PRKAG2: variants seen among roughly 807,000 people sequenced by gnomAD.
The protein encoded by PRKAG2 is 5'-AMP-activated protein kinase subunit gamma-2.
Under a neutral mutation model 69.6 loss-of-function variants are expected in PRKAG2, and 26 were observed. The ratio of observed to expected loss-of-function variants is 0.37; its 90% CI spans 0.27 to 0.52. The LOEUF is 0.52. PRKAG2 is among the 20% of genes least tolerant of loss of function. The pLI, the probability that PRKAG2 is intolerant of heterozygous loss-of-function variation, is 0.90. For synonymous variants in PRKAG2, 293 were observed against 285.0 expected (o/e 1.03, Z -0.28); for missense variants, 557 against 740.0 (o/e 0.75, Z 2.87).
At chr7:151,803,404 T>C (rs960817397) in intron 1 of PRKAG2, among the ~76,000 whole-genome samples, 1 of 152,202 alleles carries the variant, frequency 6.6e-6, no homozygotes, top group African/African-American at 2.4e-5. Flanking sequence ...ATTTTCTCCC[T>C]TCAAAGGGAG....
At chr7:151,768,095 T>C (rs1003675751) in intron 3 of PRKAG2, among the ~76,000 whole-genome samples, 3 of 152,176 alleles carry the variant, frequency 2.0e-5, no homozygotes, top group East Asian at 1.9e-4. Context: ...TTAGAAAGCA[T>C]GTTCACTTGG....
chr7:151,659,203 G>C (rs1402327280), intron 4 of PRKAG2, among the ~76,000 whole-genome samples: 1 of 152,098 alleles, frequency 6.6e-6, no homozygotes, highest in Non-Finnish European at 1.5e-5. Flanking sequence ...TATTTAAAAA[G>C]CTGGGTCTTT....
At chr7:151,792,761 G>A (rs141485280) in intron 1 of PRKAG2, among the ~76,000 whole-genome samples, 392 of 152,354 alleles carry the variant, frequency 2.6e-3, no homozygotes, top group African/African-American at 8.6e-3. Context: ...GATTCCAACC[G>A]AGGAAGCAAC....
chr7:151,722,573 G>A (rs942944309), intron 3 of PRKAG2, among the ~76,000 whole-genome samples: 14 of 152,072 alleles, frequency 9.2e-5, no homozygotes, highest in African/African-American at 3.4e-4. Context: ...AGGAATGCTA[G>A]ACTTTAGCAG....
At chr7:151,560,437 G>C in intron 15 of PRKAG2, 87 bp downstream of exon 15, 1 of 1,611,830 alleles carries the variant, frequency 6.2e-7, no homozygotes, top group Non-Finnish European at 8.5e-7. Context: ...GGTGGGTGGA[G>C]AAATGATGGT....
intron 5 of PRKAG2, among the ~76,000 whole-genome samples, chr7:151,618,376 C>T (rs903078203): frequency 4.6e-5 from 7 of 151,566 alleles, no homozygotes; most frequent in South Asian, 2.1e-4. Context: ...TCGCTTGAAC[C>T]GAGGAGGCGG....
At chr7:151,801,192 A>G (rs775036552) in intron 1 of PRKAG2, among the ~76,000 whole-genome samples, 13 of 152,200 alleles carry the variant, frequency 8.5e-5, no homozygotes, top group Admixed American at 2.6e-4. Flanking sequence ...TCCTGTATCC[A>G]CGGCTCCAGG....
intron 1 of PRKAG2, among the ~76,000 whole-genome samples, chr7:151,813,825 C>T (rs781506580): frequency 2.6e-5 from 4 of 152,190 alleles, no homozygotes; most frequent in South Asian, 2.1e-4. Context: ...TTGGGCTCCA[C>T]GCTCCGCAGG....
intron 15 of PRKAG2, chr7:151,559,695 G>A: frequency 1.0e-6 from 1 of 985,368 alleles, no homozygotes. Flanking sequence ...CTGAACTAAA[G>A]AGAAATCAAT....
At chr7:151,739,766 C>T (rs1016283064) in intron 3 of PRKAG2, among the ~76,000 whole-genome samples, 34 of 152,120 alleles carry the variant, frequency 2.2e-4, no homozygotes, top group East Asian at 7.7e-4. Context: ...CCACCACACC[C>T]GGCTGGAATT....
chr7:151,817,036 T>G (rs2078663092), intron 1 of PRKAG2, among the ~76,000 whole-genome samples: 1 of 152,024 alleles, frequency 6.6e-6, no homozygotes, highest in Non-Finnish European at 1.5e-5. Context: ...CATTAGAGAT[T>G]AAGGAACATA....
intron 3 of PRKAG2, among the ~76,000 whole-genome samples, chr7:151,741,909 T>C (rs1236698356): frequency 6.6e-6 from 1 of 152,194 alleles, no homozygotes; most frequent in African/African-American, 2.4e-5. Flanking sequence ...CTAAGAACCA[T>C]ATTTTATTTG....
At chr7:151,564,656 G>T (rs563562003) in intron 13 of PRKAG2, among the ~76,000 whole-genome samples, 2 of 152,298 alleles carry the variant, frequency 1.3e-5, no homozygotes, top group East Asian at 3.9e-4. Context: ...CAAGGTTTCT[G>T]CTGGGAAGGC....
At chr7:151,562,610 C>A (rs1411540506) in intron 14 of PRKAG2, among the ~76,000 whole-genome samples, 1 of 152,158 alleles carries the variant, frequency 6.6e-6, no homozygotes, top group Non-Finnish European at 1.5e-5. Context: ...TAACTATAAT[C>A]ACACATTAAA....
At chr7:151,605,422 C>G (rs1354632332) in intron 5 of PRKAG2, among the ~76,000 whole-genome samples, 1 of 151,674 alleles carries the variant, frequency 6.6e-6, no homozygotes, top group African/African-American at 2.4e-5. Context: ...AATAAAATTT[C>G]TTTAAAAAAT....
intron 4 of PRKAG2, among the ~76,000 whole-genome samples, chr7:151,651,894 T>A (rs981468228): frequency 4.0e-5 from 6 of 150,110 alleles, no homozygotes; most frequent in Non-Finnish European, 8.8e-5. Context: ...TTCCAGAGAC[T>A]GGGGCTGGGG....
Position 151,828,622 on chromosome 7 carries a change from A to T in PRKAG2, c.115-42081T>A, listed in dbSNP as rs1053080754. ...TTTCACTCACCACGATATCAATATA[A>T]AACTGCCAATACTTGGGCCTGGCAT... On this transcript the variant is annotated intron_variant, in intron 1 of 15. Transcript: ENST00000287878. The surrounding 1 kb of genome is among the most constrained non-coding windows in gnomAD (Gnocchi z 4.6). 2.6e-5 allele frequency among the ~76,000 whole-genome samples: 4 copies of T among 152,154 alleles called. No homozygotes were observed. The highest frequency in any genetic ancestry group is 9.7e-5 in the African/African-American group (4 of 41,434).
At chr7:151,666,871 T>C (rs1831122389) in intron 4 of PRKAG2, among the ~76,000 whole-genome samples, 2 of 152,130 alleles carry the variant, frequency 1.3e-5, no homozygotes, top group Admixed American at 1.3e-4. Context: ...TTTGGTACCA[T>C]AAATTTAAAA....
chr7:151,743,790 C>T (rs1283738302), intron 3 of PRKAG2, among the ~76,000 whole-genome samples: 1 of 152,210 alleles, frequency 6.6e-6, no homozygotes, highest in Non-Finnish European at 1.5e-5. Flanking sequence ...CTGGAGGACG[C>T]TTTTGTGGCT....
Sources: gnomAD v4.1 joint callset for allele counts (sites outside exome capture counted in the v4.1 genomes callset) on GRCh38, gnomAD v4.1.1 for gene constraint, Gnocchi (gnomAD v3.1) non-coding constraint, MANE v1.5 for transcripts, NCBI Gene and HGNC (gene_info 2026-07-23, HGNC 2026-07-21) for gene names.